USP13: variants seen among roughly 807,000 people sequenced by gnomAD.
USP13 encodes ubiquitin carboxyl-terminal hydrolase 13.
A neutral mutation model predicts 107.8 loss-of-function variants in USP13; 68 were observed. That is an observed-to-expected ratio of 0.63 (90% CI 0.52 to 0.77). The LOEUF (loss-of-function observed/expected upper bound fraction) is 0.77. Ranked by LOEUF, USP13 falls within the 30% of genes least tolerant of loss-of-function variation. The probability of loss-of-function intolerance (pLI) is 0.00; values close to 1 mark genes in which losing one functional copy is unlikely to be tolerated. For missense variants in USP13, 945 were observed against 1,093.3 expected (o/e 0.86, Z 1.91); for synonymous variants, 377 against 389.5 (o/e 0.97, Z 0.38).
chr3:179,699,441 G>C (rs1033915960), intron 3 of USP13, among the ~76,000 whole-genome samples: 1 of 152,106 alleles, frequency 6.6e-6, no homozygotes, highest in Non-Finnish European at 1.5e-5. Context: ...ACCAGGCGTG[G>C]TGATTCACGC....
In USP13 at chr3:179,764,183, CTGTGTGTGTGTGTG is replaced by C. The variant is rs3222346; in HGVS notation, c.2259+34_2259+47del. The C allele has an allele frequency of 3.3e-4, 478 of 1,448,024 alleles. No individual in the cohort carries two copies. The highest frequency in any genetic ancestry group is 4.1e-4 in the Non-Finnish European group (439 of 1,080,684). The allele number at this position is 1,448,024 out of a possible 1,614,324, so 89.7% of individuals were successfully genotyped here. ...TACGAGCAACGGTGAGCATGAGAGA[CTGTGTGTGTGTGTG>C]TGTGTGTGTGTGTGTGTGAATTTAT... On this transcript the variant is annotated intron_variant, in intron 18 of 20. Coordinates refer to ENST00000263966, the MANE Select transcript of USP13 (RefSeq NM_003940.3).
chr3:179,684,308 C>CACACACACACAT (rs1711786578), intron 2 of USP13, among the ~76,000 whole-genome samples: 1 of 149,456 alleles, frequency 6.7e-6, no homozygotes, highest in Non-Finnish European at 1.5e-5. Flanking sequence ...CACACACACA[C>CACACACACACAT]ACACATTTTG....
intron 3 of USP13, among the ~76,000 whole-genome samples, chr3:179,693,076 C>G (rs1712165737): frequency 6.6e-6 from 1 of 152,194 alleles, no homozygotes. Flanking sequence ...CCATTAGCCC[C>G]ACATTCCATT....
At chr3:179,772,696 G>C (rs1362481964) in intron 19 of USP13, among the ~76,000 whole-genome samples, 1 of 152,210 alleles carries the variant, frequency 6.6e-6, no homozygotes, top group Admixed American at 6.5e-5. Flanking sequence ...AAAGTTAAGA[G>C]GCAGCCACTC....
chr3:179,690,363 C>G, intron 3 of USP13, 62 bp downstream of exon 3: 3 of 1,385,472 alleles, frequency 2.2e-6, no homozygotes. Context: ...TGTGCATACT[C>G]ATGTGCATCT....
intron 1 of USP13, among the ~76,000 whole-genome samples, chr3:179,680,731 C>T (rs1336717059): frequency 6.6e-6 from 1 of 152,080 alleles, no homozygotes; most frequent in Non-Finnish European, 1.5e-5. Context: ...TTAGTAGAGA[C>T]GGGGTTTCAC....
chr3:179,687,697 G>A (rs1465765352), intron 2 of USP13, among the ~76,000 whole-genome samples: 1 of 61,314 alleles, frequency 1.6e-5, no homozygotes, highest in East Asian at 4.5e-4. Context: ...GACTAGTGCT[G>A]TTGCTTCCTG....
rs1720146056 is a variant in USP13, at chr3:179,653,408, T to G, written c.168+15T>G. The stretch of plus-strand genomic sequence containing the variant: ...ACGACTCTCCCGTAAGTGAGGCGCC[T>G]CGGGGGAGGGTCGCGGGGCCGGCGG... On this transcript the variant is annotated intron_variant, in intron 1 of 20. Transcript: ENST00000263966. The surrounding 1 kb of genome is among the most constrained non-coding windows in gnomAD (Gnocchi z 4.0). 3 of 1,548,540 alleles carry G rather than the reference T, an allele frequency of 1.9e-6. No homozygotes were observed. In the South Asian group the frequency reaches 3.6e-5, roughly 18 times the overall value.
At chr3:179,710,195 C>T (rs186907664) in intron 6 of USP13, among the ~76,000 whole-genome samples, 736 of 152,264 alleles carry the variant, frequency 4.8e-3, no homozygotes, top group Non-Finnish European at 7.3e-3. Context: ...CCTAAATCTT[C>T]CAGGATTGAA....
intron 2 of USP13, 80 bp downstream of exon 2, chr3:179,682,083 T>A: frequency 6.7e-7 from 1 of 1,502,180 alleles, no homozygotes; most frequent in East Asian, 2.4e-5. Flanking sequence ...ACGTGGAAAT[T>A]TGACCATGCC....
chr3:179,774,101 T>C (rs1715425187), intron 19 of USP13, among the ~76,000 whole-genome samples: 2 of 152,116 alleles, frequency 1.3e-5, no homozygotes, highest in Non-Finnish European at 2.9e-5. Context: ...TTTCAGTCAA[T>C]GGAAGGCAGA....
At chr3:179,745,525 C>T (rs749295552) in intron 13 of USP13, among the ~76,000 whole-genome samples, 83 of 146,710 alleles carry the variant, frequency 5.7e-4, no homozygotes, top group Middle Eastern at 3.5e-3. Context: ...TTTCTTTCTT[C>T]CTTTCTTCCT....
chr3:179,783,258 C>T (rs976987338), intron 20 of USP13, among the ~76,000 whole-genome samples: 2 of 151,842 alleles, frequency 1.3e-5, no homozygotes, highest in South Asian at 2.1e-4. Flanking sequence ...TAACAATAAC[C>T]ATTGTCTACA....
chr3:179,728,605 C>T (rs1402141834), intron 8 of USP13, among the ~76,000 whole-genome samples: 3 of 151,696 alleles, frequency 2.0e-5, no homozygotes, highest in South Asian at 2.1e-4. Flanking sequence ...GCTGCAATCT[C>T]AGCACTTTGG....
rs1343897744 is a variant in USP13, at chr3:179,787,036, AAAAG to A, written c.*2896_*2899del. On this transcript the variant is annotated 3_prime_UTR_variant, in exon 21 of 21. Coordinates refer to ENST00000263966, the MANE Select transcript of USP13 (RefSeq NM_003940.3). ...ATTGGGATTTTCTTTTAAAGAAAAA[AAAAG>A]TATGCAGAAAAGACTATTGGAAGAA... 3 of 152,210 alleles carry A rather than the reference AAAAG, an allele frequency of 2.0e-5. No individual in the cohort carries two copies. Among genetic ancestry groups the A allele is most frequent in the Non-Finnish European group, 2.9e-5 (2 of 68,034 alleles). 9.4% of individuals were successfully genotyped at this position (152,210 alleles called of 1,614,324 possible).
intron 19 of USP13, among the ~76,000 whole-genome samples, chr3:179,774,547 C>T (rs1454609227): frequency 6.6e-6 from 1 of 151,838 alleles, no homozygotes; most frequent in Non-Finnish European, 1.5e-5. Context: ...TCCGGAGTTG[C>T]TCATTCCTCC....
chr3:179,761,380 T>G, intron 17 of USP13, 125 bp downstream of exon 17: 2 of 1,262,712 alleles, frequency 1.6e-6, no homozygotes, highest in African/African-American at 1.5e-5. Flanking sequence ...CCTAATCTCC[T>G]GCAGTGGAGG....
At chr3:179,683,583 A>G (rs1174434707) in intron 2 of USP13, among the ~76,000 whole-genome samples, 2 of 152,168 alleles carry the variant, frequency 1.3e-5, no homozygotes, top group Admixed American at 6.5e-5. Flanking sequence ...GGAAATTCCC[A>G]TTTTTAAAAC....
In USP13 at chr3:179,720,050, G is replaced by A. The variant is rs768146748; in HGVS notation, c.900+16G>A. ...TATGCATGGGGTGAGGTCTCCTTTT[G>A]TTTCTGTTTCCATCTTGCATGGGGT... is the stretch of plus-strand genomic sequence containing the variant. On this transcript the variant is annotated intron_variant, in intron 7 of 20. Coordinates refer to ENST00000263966, the MANE Select transcript of USP13 (RefSeq NM_003940.3). 1 of 1,607,596 alleles carries A rather than the reference G, an allele frequency of 6.2e-7. No individual in the cohort carries two copies. Among genetic ancestry groups the A allele is most frequent in the South Asian group, 1.1e-5 (1 of 90,168 alleles).
Sources: allele counts gnomAD v4.1 joint callset (sites outside exome capture counted in the v4.1 genomes callset), GRCh38; gene constraint gnomAD v4.1.1; non-coding constraint Gnocchi (gnomAD v3.1); transcripts MANE v1.5; gene names NCBI Gene and HGNC (gene_info 2026-07-23, HGNC 2026-07-21).